RHOT1: variants seen among roughly 807,000 people sequenced by gnomAD.
The protein encoded by RHOT1 is mitochondrial Rho GTPase 1.
A neutral mutation model predicts 95.3 loss-of-function variants in RHOT1; 27 were observed. The observed-to-expected ratio is 0.28, with a 90% confidence interval of 0.21 to 0.39. The LOEUF (loss-of-function observed/expected upper bound fraction) is 0.39, where lower values mean the gene tolerates loss of function less well. RHOT1 is among the 10% of genes least tolerant of loss of function. RHOT1 has a pLI of 1.00. For synonymous variants in RHOT1, 227 were observed against 263.5 expected (o/e 0.86, Z 1.34); for missense variants, 578 against 786.7 (o/e 0.73, Z 3.17).
At position 32,212,170 on chromosome 17, in the gene RHOT1, A is replaced by G. The variant is rs765374652; in HGVS notation, c.1862+932A>G. ...AAATGGGTCAGTTATTTGGCTCACCATTGGACACTCACTGAGGGCTAGACT... is the reference window on the plus strand; with the variant it reads ...AAATGGGTCAGTTATTTGGCTCACCGTTGGACACTCACTGAGGGCTAGACT... On this transcript the variant is annotated intron_variant, in intron 19 of 19. Coordinates refer to ENST00000545287, the MANE Select transcript of RHOT1 (RefSeq NM_001033566.3). Among the ~76,000 whole-genome samples, 86 of 152,216 alleles carry G rather than the reference A, an allele frequency of 5.6e-4. 1 individual carries two copies. The highest frequency in any genetic ancestry group is 1.6e-4 in the Non-Finnish European group (11 of 68,038).
chr17:32,202,022 C>T lies in RHOT1; in HGVS notation c.1202-748C>T, dbSNP rs150045424. On this transcript the variant is annotated intron_variant, in intron 14 of 19. Coordinates refer to ENST00000545287, the MANE Select transcript of RHOT1 (RefSeq NM_001033566.3). ...CGCCTCCTGGGTTCAAGCGATTCAG[C>T]TGCCTCAGCCTCCCAAGTAGCTGGG... Among the ~76,000 whole-genome samples, 204 of 152,274 alleles carry T rather than the reference C, an allele frequency of 1.3e-3. 7 individuals are homozygous for T. The East Asian group carries it at 0.034, about 25-fold the overall frequency.
intron 8 of RHOT1, among the ~76,000 whole-genome samples, chr17:32,185,709 CTT>C (rs57965854): frequency 0.035 from 4,413 of 126,634 alleles, 231 homozygotes; most frequent in African/African-American, 0.12. Flanking sequence ...TGCCCGGCCT[CTT>C]TTTTTTTTTT....
chr17:32,194,812 G>A (rs2036743674), intron 11 of RHOT1, among the ~76,000 whole-genome samples: 1 of 147,428 alleles, frequency 6.8e-6, no homozygotes, highest in Non-Finnish European at 1.5e-5. Flanking sequence ...TGGTCTATTT[G>A]TGGTTCTTTT....
chr17:32,174,802 C>G (rs916564700), intron 3 of RHOT1, among the ~76,000 whole-genome samples: 4 of 152,090 alleles, frequency 2.6e-5, no homozygotes, highest in Non-Finnish European at 4.4e-5. Context: ...GCAGGCACAC[C>G]CACCCATTGA....
chr17:32,193,612 A>ATGT (rs2036657141), intron 10 of RHOT1, among the ~76,000 whole-genome samples: 1 of 152,206 alleles, frequency 6.6e-6, no homozygotes, highest in Non-Finnish European at 1.5e-5. Flanking sequence ...CCAGTATAGA[A>ATGT]TGTTCCCTGG....
rs1160265863 is a variant in RHOT1, at chr17:32,208,228, C to T, written c.1658C>T (p.Pro553Leu). 1.2e-6 allele frequency: 2 copies of T among 1,614,084 alleles called. No individual in the cohort carries two copies. The highest frequency in any genetic ancestry group is 2.2e-5 in the East Asian group (1 of 44,880). Residue 553 changes from proline to leucine, a missense_variant, in exon 18 of 20, where the codon CCA becomes CTA. By Grantham distance (98) the Pro-to-Leu change is moderately conservative. Around this residue, in one of 4 missense-constraint regions of RHOT1, gnomAD observed 296 missense variants for 338.5 expected, o/e 0.87. Transcript: ENST00000545287. ...TTCTGCAGGAAACACAAAATGCCTC[C>T]ACCACAAGCCTTCACTTGCAATACT... is the stretch of plus-strand genomic sequence containing the variant. Reference protein sequence around the residue: ...TDFCRKHKMPPPQAFTCNTAD... With the variant: ...TDFCRKHKMPLPQAFTCNTAD...
intron 8 of RHOT1, among the ~76,000 whole-genome samples, chr17:32,183,893 C>T (rs2035832209): frequency 6.6e-6 from 1 of 152,152 alleles, no homozygotes; most frequent in Admixed American, 6.5e-5. Context: ...ACCATATTGC[C>T]CAGGCTGATC....
intron 17 of RHOT1, 83 bp from the exon 18 acceptor site, chr17:32,208,024 G>A (rs2037874693): frequency 3.2e-6 from 4 of 1,264,258 alleles, no homozygotes; most frequent in Non-Finnish European, 4.5e-6. Context: ...TTGCCCATCT[G>A]GAGGAAATGC....
At chr17:32,176,658 C>T (rs141125888) in intron 6 of RHOT1, among the ~76,000 whole-genome samples, 2,987 of 151,920 alleles carry the variant, frequency 0.02, 44 homozygotes, top group Middle Eastern at 0.071. Flanking sequence ...TTGCAGCCTC[C>T]GCCTCCTGGA....
intron 18 of RHOT1, among the ~76,000 whole-genome samples, chr17:32,210,644 A>G (rs1598453035): frequency 6.6e-6 from 1 of 152,200 alleles, no homozygotes; most frequent in East Asian, 1.9e-4. Context: ...TCATTTGTAT[A>G]TTTATCATTC....
chr17:32,169,836 T>C (rs781539161), intron 1 of RHOT1, among the ~76,000 whole-genome samples: 7 of 151,846 alleles, frequency 4.6e-5, no homozygotes, highest in Non-Finnish European at 8.8e-5. Flanking sequence ...CGAAACCCTG[T>C]CCCTATTAAA....
In RHOT1 at chr17:32,200,896, T is replaced by C. The variant is rs11868374; in HGVS notation, c.1101-60T>C. The C allele has an allele frequency of 6.7e-3, 8,739 of 1,304,276 alleles. 42 individuals carry two copies. Among genetic ancestry groups the C allele is most frequent in the Non-Finnish European group, 8.5e-3 (7,736 of 910,506 alleles). 80.8% of individuals were successfully genotyped at this position (1,304,276 alleles called of 1,614,324 possible). Reference sequence around the variant, plus strand: ...TAAAGTTTTTTTAGCTATTGGCTTTTTTTTCCCCATAAATATTCGTTTAGG... The same window carrying C: ...TAAAGTTTTTTTAGCTATTGGCTTTCTTTTCCCCATAAATATTCGTTTAGG... On this transcript the variant is annotated intron_variant, in intron 13 of 19. Transcript: ENST00000545287.
intron 8 of RHOT1, among the ~76,000 whole-genome samples, chr17:32,188,341 T>C (rs1293960816): frequency 6.6e-6 from 1 of 152,242 alleles, no homozygotes; most frequent in African/African-American, 2.4e-5. Context: ...AACTATGCAA[T>C]TGAGTTTCCA....
chr17:32,190,163 A>G (rs1360553790), intron 8 of RHOT1, among the ~76,000 whole-genome samples: 1 of 152,092 alleles, frequency 6.6e-6, no homozygotes, highest in Non-Finnish European at 1.5e-5. Flanking sequence ...TTTAATGAAA[A>G]GTGCATCGTT....
intron 1 of RHOT1, among the ~76,000 whole-genome samples, chr17:32,152,716 G>A (rs1414415179): frequency 6.6e-6 from 1 of 152,106 alleles, no homozygotes; most frequent in Non-Finnish European, 1.5e-5. Flanking sequence ...GATCCTATGT[G>A]ATTGGGATTA....
chr17:32,209,267 A>T, intron 18 of RHOT1: 2 of 640,562 alleles, frequency 3.1e-6, no homozygotes, highest in Non-Finnish European at 5.0e-6. Context: ...TTCGAAGACA[A>T]GTCATTCCTA....
rs1310163421 is a variant in RHOT1 at position 32,179,971 on chromosome 17, G to A, written c.330-2786G>A. The A allele has an allele frequency of 3.5e-5, 5 of 142,070 alleles. No homozygotes were observed. In the East Asian group the frequency reaches 6.2e-4, roughly 18 times the overall value. The allele number at this position is 142,070 out of a possible 1,614,324, so 8.8% of individuals were successfully genotyped here. A position where few individuals can be genotyped will look rare whatever the true frequency, so the allele number is the denominator to read the frequency against. On this transcript the variant is annotated intron_variant, in intron 6 of 19. Coordinates refer to ENST00000545287, the MANE Select transcript of RHOT1 (RefSeq NM_001033566.3). ...GGGATGTGAGGAGCACCTCTGCCCG[G>A]CCGCCCCGTCTGGGAAGTGAGGAGC...
At chr17:32,173,386 G>A (rs1197675580) in intron 2 of RHOT1, among the ~76,000 whole-genome samples, 1 of 152,130 alleles carries the variant, frequency 6.6e-6, no homozygotes, top group African/African-American at 2.4e-5. Flanking sequence ...TGAGTATCAT[G>A]TTAGTGCTAA....
rs139879608 is a variant in RHOT1 at position 32,195,386 on chromosome 17, T to C, written c.869+1279T>C. Among the ~76,000 whole-genome samples the C allele has an allele frequency of 6.7e-4, 102 of 152,318 alleles. 1 individual carries two copies. Among genetic ancestry groups the C allele is most frequent in the African/African-American group, 2.3e-3 (97 of 41,582 alleles). Reference sequence around the variant, plus strand: ...GCCTCAGCCTCCTAAGGTGCTGCGATTACAGACATGAGCCACCATGACTGG... The same window carrying C: ...GCCTCAGCCTCCTAAGGTGCTGCGACTACAGACATGAGCCACCATGACTGG... On this transcript the variant is annotated intron_variant, in intron 11 of 19. Transcript: ENST00000545287.
Sources: gnomAD v4.1 joint callset for allele counts (sites outside exome capture counted in the v4.1 genomes callset) on GRCh38, gnomAD v4.1.1 for gene constraint, gnomAD v4.1.1 regional missense constraint, MANE v1.5 for transcripts, NCBI Gene and HGNC (gene_info 2026-07-23, HGNC 2026-07-21) for gene names.